CKMT2: variants seen among roughly 807,000 people sequenced by gnomAD.
The protein encoded by CKMT2 is creatine kinase, mitochondrial 2, also known as creatine kinase S-type, mitochondrial.
CKMT2 carries 43 observed loss-of-function variants against 48.9 expected under a neutral mutation model. The ratio of observed to expected loss-of-function variants is 0.88; its 90% CI spans 0.69 to 1.13. CKMT2 has a LOEUF of 1.13. CKMT2 is among the 50% of genes most tolerant of loss of function. The probability of loss-of-function intolerance (pLI) is 0.00; values close to 1 mark genes in which losing one functional copy is unlikely to be tolerated. For missense variants in CKMT2, 472 were observed against 555.4 expected (o/e 0.85, Z 1.51); for synonymous variants, 206 against 213.0 (o/e 0.97, Z 0.29).
At chr5:81,237,757 G>GTA (rs906513254) in intron 1 of CKMT2, 3 of 152,076 alleles carry the variant, frequency 2.0e-5, no homozygotes, top group Admixed American at 6.5e-5. Flanking sequence ...AAATGTATAT[G>GTA]TATATATACA....
intron 8 of CKMT2, among the ~76,000 whole-genome samples, chr5:81,260,928 C>T (rs10071174): frequency 5.9e-5 from 9 of 151,860 alleles, no homozygotes; most frequent in African/African-American, 1.7e-4. Context: ...AAAAATTTCA[C>T]GGCAATATCT....
Position 81,263,499 on chromosome 5 carries a change from C to T in CKMT2, c.1023C>T (p.Arg341=), listed in dbSNP as rs771109613. ...TTATCCCTTTGTCCTAGGACCCACG[C>T]TTTTCTAAGATCCTGGAAAACCTAA... The part of the protein sequence containing the change: ...VRIPKLSKDP[R]FSKILENLRL... Residue 341 remains arginine, a synonymous_variant, in exon 9 of 10, where the codon CGC becomes CGT. Transcript: ENST00000254035. 1 of 1,612,450 alleles carries T rather than the reference C, an allele frequency of 6.2e-7. No individual in the cohort carries two copies. Among genetic ancestry groups the T allele is most frequent in the Non-Finnish European group, 8.5e-7 (1 of 1,179,032 alleles).
At chr5:81,249,257 C>T (rs1756719816) in intron 1 of CKMT2, among the ~76,000 whole-genome samples, 1 of 152,108 alleles carries the variant, frequency 6.6e-6, no homozygotes, top group Non-Finnish European at 1.5e-5. Context: ...CAGGGTTTTG[C>T]TGTCTCTACT....
At chr5:81,254,049 G>A (rs865779853) in intron 3 of CKMT2, among the ~76,000 whole-genome samples, 3 of 152,174 alleles carry the variant, frequency 2.0e-5, no homozygotes, top group East Asian at 1.9e-4. Context: ...GAGCAAACAC[G>A]TCTAGGAAAC....
intron 6 of CKMT2, among the ~76,000 whole-genome samples, 166 bp downstream of exon 6, chr5:81,257,166 GTGTGTGTGTGTGTGTGTC>G (rs899296470): frequency 5.3e-5 from 6 of 113,734 alleles, no homozygotes; most frequent in African/African-American, 1.8e-4. Context: ...GTGTGTGTGT[GTGTGTGTGTGTGTGTGTC>G]TAAGCATTGT....
rs1221320669 is a variant in CKMT2, at chr5:81,259,769, A to T, written c.1014+515A>T. On this transcript the variant is annotated intron_variant, in intron 8 of 9. Transcript: ENST00000254035. ...ACAATGAGACTTAGACTCCCACACAATAACAGTGAGAGACTTTAACACCCC... is the reference window on the plus strand; with the variant it reads ...ACAATGAGACTTAGACTCCCACACATTAACAGTGAGAGACTTTAACACCCC... Among the ~76,000 whole-genome samples, 163 of 152,328 alleles carry T rather than the reference A, an allele frequency of 1.1e-3. 1 individual carries two copies. The highest frequency in any genetic ancestry group is 1.7e-3 in the East Asian group (9 of 5,188).
At chr5:81,257,107 C>T in intron 6 of CKMT2, 107 bp downstream of exon 6, 1 of 784,780 alleles carries the variant, frequency 1.3e-6, no homozygotes, top group Non-Finnish European at 2.1e-6. Context: ...ACAGCATGCC[C>T]AGACTGAGCT....
At chr5:81,238,321 G>T (rs1170071373) in intron 1 of CKMT2, 1 of 151,906 alleles carries the variant, frequency 6.6e-6, no homozygotes, top group African/African-American at 2.4e-5. Context: ...GCGACAGAGC[G>T]AGACTGTCTC....
intron 1 of CKMT2, among the ~76,000 whole-genome samples, chr5:81,243,106 A>T (rs1321930267): frequency 1.3e-5 from 2 of 152,194 alleles, no homozygotes; most frequent in Non-Finnish European, 2.9e-5. Flanking sequence ...TGCTTGGCAC[A>T]TGTGGGTAAG....
At chr5:81,256,324 CTG>C (rs139827470) in intron 5 of CKMT2, among the ~76,000 whole-genome samples, 2,093 of 138,710 alleles carry the variant, frequency 0.015, 55 homozygotes, top group African/African-American at 0.05. Flanking sequence ...TTTGATCTCT[CTG>C]AATCTGTTTT....
At chr5:81,261,224 A>G (rs1188561295) in intron 8 of CKMT2, among the ~76,000 whole-genome samples, 1 of 152,208 alleles carries the variant, frequency 6.6e-6, no homozygotes, top group East Asian at 1.9e-4. Context: ...TCTCAAAATT[A>G]TAAGAGCTAT....
chr5:81,250,850 G>A (rs1174422541), intron 1 of CKMT2: 3 of 238,040 alleles, frequency 1.3e-5, no homozygotes, highest in Non-Finnish European at 2.5e-5. Flanking sequence ...CAGAGAAAAG[G>A]CATGGAATTC....
rs1580453294 is a variant in CKMT2, at chr5:81,257,745, T to C, written c.768T>C (p.Asp256=). Residue 256 remains aspartate, a synonymous_variant, in exon 7 of 10, where the codon GAT becomes GAC. Transcript: ENST00000254035. ...PDARGIWHNY[D]KTFLIWINEE... ...CTCTCTTCATTAGGCATAATTATGA[T>C]AAGACATTTCTCATCTGGATAAATG... The C allele has an allele frequency of 6.2e-7, 1 of 1,611,788 alleles. No homozygotes were observed. The highest frequency in any genetic ancestry group is 8.5e-7 in the Non-Finnish European group (1 of 1,178,452).
intron 6 of CKMT2, 64 bp from the exon 7 acceptor site, chr5:81,257,669 G>T: frequency 6.7e-7 from 1 of 1,482,180 alleles, no homozygotes; most frequent in Non-Finnish European, 9.2e-7. Context: ...GGGAGGTAAT[G>T]GGAATTTTCA....
intron 1 of CKMT2, among the ~76,000 whole-genome samples, chr5:81,249,651 C>CCATTTTCTG (rs140187893): frequency 0.22 from 33,132 of 151,916 alleles, 3,760 homozygotes; most frequent in Admixed American, 0.29. Context: ...CATGTTTTCT[C>CCATTTTCTG]CATTTCAGGC....
At chr5:81,253,520 A>G (rs1275341788) in intron 3 of CKMT2, among the ~76,000 whole-genome samples, 1 of 152,158 alleles carries the variant, frequency 6.6e-6, no homozygotes, top group East Asian at 1.9e-4. Flanking sequence ...CGCTGAGGCA[A>G]ATGCCTGCAG....
intron 1 of CKMT2, among the ~76,000 whole-genome samples, chr5:81,234,909 C>T (rs919337547): frequency 2.0e-5 from 3 of 152,132 alleles, no homozygotes; most frequent in Admixed American, 1.3e-4. Context: ...GAGTCTGTGT[C>T]AAGCATTCTG....
intron 8 of CKMT2, among the ~76,000 whole-genome samples, chr5:81,262,875 C>A (rs1017731442): frequency 2.0e-5 from 3 of 152,176 alleles, no homozygotes; most frequent in Non-Finnish European, 2.9e-5. Flanking sequence ...CAAATGCACA[C>A]GTGTGTTTAT....
In CKMT2 at chr5:81,254,758, C is replaced by T. The variant is rs1168498795; in HGVS notation, c.448-235C>T. ...AGCTACTCCCTTTTTCATCCCAAAC[C>T]ACCCAGTGACGGTCAAGGACCCCAG... On this transcript the variant is annotated intron_variant, in intron 4 of 9. Coordinates refer to ENST00000254035, the MANE Select transcript of CKMT2 (RefSeq NM_001099735.2). 5.0e-5 allele frequency: 30 copies of T among 596,562 alleles called. No individual in the cohort carries two copies. The East Asian group carries it at 8.3e-4, about 17-fold the overall frequency. 37.0% of individuals were successfully genotyped at this position (596,562 alleles called of 1,614,324 possible).
Sources: allele counts gnomAD v4.1 joint callset (sites outside exome capture counted in the v4.1 genomes callset), GRCh38; gene constraint gnomAD v4.1.1; transcripts MANE v1.5; gene names NCBI Gene and HGNC (gene_info 2026-07-23, HGNC 2026-07-21).